TSHZ3: variants seen among roughly 807,000 people sequenced by gnomAD.
TSHZ3 encodes teashirt zinc finger homeobox 3.
A neutral mutation model predicts 64.5 loss-of-function variants in TSHZ3; 10 were observed. The observed-to-expected ratio is 0.16, with a 90% CI of 0.10 to 0.26. The LOEUF (loss-of-function observed/expected upper bound fraction) is 0.26. TSHZ3 is among the 10% of genes least tolerant of loss of function. The probability of loss-of-function intolerance (pLI) is 1.00; values close to 1 mark genes in which losing one functional copy is unlikely to be tolerated. For synonymous variants in TSHZ3, 608 were observed against 593.1 expected (o/e 1.03, Z -0.36); for missense variants, 1,242 against 1,421.7 (o/e 0.87, Z 2.03).
chr19:31,152,343 A>C (rs1974252661), intron 6 of TSHZ3, among the ~76,000 whole-genome samples: 1 of 151,806 alleles, frequency 6.6e-6, no homozygotes, highest in East Asian at 1.9e-4. Context: ...GTTTTTTGTC[A>C]GCCCATCCCA....
intron 1 of TSHZ3, among the ~76,000 whole-genome samples, chr19:31,288,260 A>G (rs2145126351): frequency 6.6e-6 from 1 of 152,308 alleles, no homozygotes; most frequent in South Asian, 2.1e-4. Flanking sequence ...CAGTCTCTGC[A>G]GACCCTCCTG....
At position 31,349,331 on chromosome 19, in the gene TSHZ3, T is replaced by C. The variant is rs906371956; in HGVS notation, c.-112A>G. The C allele has an allele frequency of 2.8e-6, 3 of 1,069,234 alleles. No homozygotes were observed. Among genetic ancestry groups the C allele is most frequent in the Non-Finnish European group, 2.5e-6 (2 of 804,618 alleles). The allele number at this position is 1,069,234 out of a possible 1,614,324, so 66.2% of individuals were successfully genotyped here. A position where few individuals can be genotyped will look rare whatever the true frequency, so the allele number is the denominator to read the frequency against. Reference sequence around the variant, plus strand: ...GGGCGAGGCGGGCCTGCTCTCAGCCTCCCCCCCGGAGAGCGGCCGCCCGCA... The same window carrying C: ...GGGCGAGGCGGGCCTGCTCTCAGCCCCCCCCCCGGAGAGCGGCCGCCCGCA... On this transcript the variant is annotated 5_prime_UTR_variant, in exon 1 of 2. Coordinates refer to ENST00000240587, the MANE Select transcript of TSHZ3 (RefSeq NM_020856.4).
chr19:31,166,921 G>A (rs900707250), intron 5 of TSHZ3, among the ~76,000 whole-genome samples: 1 of 152,170 alleles, frequency 6.6e-6, no homozygotes, highest in African/African-American at 2.4e-5. Flanking sequence ...AGGAAGCATG[G>A]CACATTTTGG....
intron 4 of TSHZ3, among the ~76,000 whole-genome samples, chr19:31,224,416 T>C (rs978407114): frequency 6.6e-6 from 1 of 152,188 alleles, no homozygotes; most frequent in Non-Finnish European, 1.5e-5. Flanking sequence ...TATCTGTAAA[T>C]AGCAACAGCT....
chr19:31,265,114 C>A (rs951668844), intron 1 of TSHZ3, among the ~76,000 whole-genome samples: 1 of 151,954 alleles, frequency 6.6e-6, no homozygotes, highest in African/African-American at 2.4e-5. Context: ...ATCCCATAGC[C>A]GGCTGGGTGC....
intron 5 of TSHZ3, among the ~76,000 whole-genome samples, chr19:31,197,875 G>A (rs1488344871): frequency 6.6e-6 from 1 of 151,874 alleles, no homozygotes; most frequent in East Asian, 1.9e-4. Context: ...ATATTTAAGA[G>A]AAAAATAATA....
intron 1 of TSHZ3, among the ~76,000 whole-genome samples, chr19:31,264,590 G>T (rs564162053): frequency 6.6e-6 from 1 of 152,190 alleles, no homozygotes; most frequent in Non-Finnish European, 1.5e-5. Flanking sequence ...GCTGCTGCCC[G>T]GTTCCAGCCA....
chr19:31,260,639 G>A (rs1363966472), intron 1 of TSHZ3, among the ~76,000 whole-genome samples: 1 of 152,208 alleles, frequency 6.6e-6, no homozygotes, highest in African/African-American at 2.4e-5. Flanking sequence ...CACCTTTGTT[G>A]AGCATCTACT....
intron 1 of TSHZ3, among the ~76,000 whole-genome samples, chr19:31,244,808 T>TAATTTTTGA (rs1975739239): frequency 1.3e-5 from 2 of 152,178 alleles, no homozygotes; most frequent in Non-Finnish European, 2.9e-5. Flanking sequence ...CACACTTGGC[T>TAATTTTTGA]AATTTTTGAA....
At chr19:31,289,656 T>A (rs370808312) in intron 1 of TSHZ3, among the ~76,000 whole-genome samples, 12 of 152,042 alleles carry the variant, frequency 7.9e-5, no homozygotes, top group African/African-American at 2.9e-4. Context: ...AGGGGTGGGG[T>A]TCGGAGCCAG....
At chr19:31,252,167 C>T (rs923952934) in intron 1 of TSHZ3, among the ~76,000 whole-genome samples, 6 of 152,212 alleles carry the variant, frequency 3.9e-5, no homozygotes, top group African/African-American at 1.4e-4. Context: ...GCTCTGGAAG[C>T]TGCAAGCCAG....
At chr19:31,199,411 A>G (rs893080621) in intron 5 of TSHZ3, among the ~76,000 whole-genome samples, 1 of 150,822 alleles carries the variant, frequency 6.6e-6, no homozygotes, top group Non-Finnish European at 1.5e-5. Flanking sequence ...AAAAAAAAAA[A>G]AAAAAAAAAA....
At chr19:31,178,296 T>C (rs1974644206) in intron 5 of TSHZ3, among the ~76,000 whole-genome samples, 1 of 152,180 alleles carries the variant, frequency 6.6e-6, no homozygotes, top group South Asian at 2.1e-4. Flanking sequence ...GTGATAATAG[T>C]ATTCAGGGCA....
intron 4 of TSHZ3, among the ~76,000 whole-genome samples, chr19:31,209,537 T>C (rs1282436725): frequency 6.6e-6 from 1 of 152,180 alleles, no homozygotes; most frequent in Admixed American, 6.5e-5. Context: ...CTAAATTAGA[T>C]GATTAATGTA....
At chr19:31,190,276 G>A (rs1974882637) in intron 5 of TSHZ3, among the ~76,000 whole-genome samples, 2 of 152,244 alleles carry the variant, frequency 1.3e-5, no homozygotes, top group South Asian at 4.2e-4. Context: ...CATGCACATG[G>A]TATCACTTTA....
intron 1 of TSHZ3, among the ~76,000 whole-genome samples, chr19:31,257,776 C>T (rs896526964): frequency 1.3e-5 from 2 of 152,200 alleles, no homozygotes; most frequent in Non-Finnish European, 2.9e-5. Flanking sequence ...ATGGACTAGT[C>T]ACCACCTATG....
intron 1 of TSHZ3, chr19:31,348,787 TC>T (rs2021598599): frequency 5.0e-6 from 1 of 199,574 alleles, no homozygotes; most frequent in Non-Finnish European, 1.0e-5. Context: ...CACCAGGCAG[TC>T]CCCCGGCGGT....
At chr19:31,337,720 A>ACACACACAC (rs1917292472) in intron 1 of TSHZ3, among the ~76,000 whole-genome samples, 3 of 145,978 alleles carry the variant, frequency 2.1e-5, no homozygotes, top group African/African-American at 7.6e-5. Flanking sequence ...TTTCAAAATA[A>ACACACACAC]ACACACACAC....
intron 1 of TSHZ3, among the ~76,000 whole-genome samples, chr19:31,256,868 C>T (rs1012784696): frequency 6.6e-6 from 1 of 152,190 alleles, no homozygotes; most frequent in Non-Finnish European, 1.5e-5. Context: ...CTCCATCCCA[C>T]AGCATTGTCC....
Sources: allele counts gnomAD v4.1 joint callset (sites outside exome capture counted in the v4.1 genomes callset), GRCh38; gene constraint gnomAD v4.1.1; transcripts MANE v1.5; gene names NCBI Gene and HGNC (gene_info 2026-07-23, HGNC 2026-07-21).